KIAA1217: variants seen among roughly 807,000 people sequenced by gnomAD.
KIAA1217 encodes KIAA1217.
In KIAA1217, 88 loss-of-function variants were observed where a neutral mutation model predicts 163.9. The observed-to-expected ratio is 0.54, with a 90% CI of 0.45 to 0.64. KIAA1217 has a LOEUF of 0.64. Among genes scored for constraint, KIAA1217 ranks in the 30% least tolerant of loss-of-function variants. KIAA1217 has a pLI of 0.00. For synonymous variants in KIAA1217, 903 were observed against 923.1 expected, an observed-to-expected ratio of 0.98 and a Z score of 0.39; for missense variants, 2,372 against 2,475.0, an observed-to-expected ratio of 0.96 and a Z score of 0.88.
intron 1 of KIAA1217, among the ~76,000 whole-genome samples, chr10:23,917,785 C>T (rs1842686856): frequency 6.6e-6 from 1 of 152,154 alleles, no homozygotes; most frequent in Non-Finnish European, 1.5e-5. Context: ...GTATGACCAG[C>T]AAGGGAAGAT....
intron 1 of KIAA1217, among the ~76,000 whole-genome samples, chr10:23,945,058 CAA>C (rs527334106): frequency 7.1e-4 from 74 of 103,930 alleles, no homozygotes; most frequent in East Asian, 3.3e-3. Context: ...GACTCTATCT[CAA>C]AAAAAAAAAA....
At position 24,067,304 on chromosome 10, in the gene KIAA1217, C is replaced by T. The variant is rs900701468; in HGVS notation, c.-171+59930C>T. 9.2e-5 allele frequency among the ~76,000 whole-genome samples: 14 copies of T among 152,256 alleles called. No individual in the cohort carries two copies. In the East Asian group the frequency reaches 1.5e-3, roughly 17 times the overall value. ...TACCTTTTGTCTTTGATGATGGTGA[C>T]GTACTGATGGGTTTTTGGTATGGAT... On this transcript the variant is annotated intron_variant, in intron 2 of 18. Transcript: ENST00000376462.
In KIAA1217 at chr10:23,829,603, A is replaced by G. The variant is rs114250363; in HGVS notation, c.-321+134369A>G. Among the ~76,000 whole-genome samples, 1,366 of 152,280 alleles carry G rather than the reference A, an allele frequency of 9.0e-3. 22 individuals carry two copies. The highest frequency in any genetic ancestry group is 0.031 in the African/African-American group (1,303 of 41,574). ...ACTCACTATTTAATCCAAGTGTTTTATGTTTATTCACTGGGTAGTCTAAAC... is the reference window on the plus strand; with the variant it reads ...ACTCACTATTTAATCCAAGTGTTTTGTGTTTATTCACTGGGTAGTCTAAAC... On this transcript the variant is annotated intron_variant, in intron 1 of 18. Coordinates refer to the KIAA1217 transcript ENST00000376462.
chr10:23,741,522 A>C (rs1343876793), intron 1 of KIAA1217, among the ~76,000 whole-genome samples: 7 of 152,206 alleles, frequency 4.6e-5, no homozygotes, highest in African/African-American at 1.7e-4. Context: ...TTGAACAAAG[A>C]AAGCACATTC....
At chr10:23,988,031 T>C (rs547768058) in intron 1 of KIAA1217, among the ~76,000 whole-genome samples, 3 of 149,266 alleles carry the variant, frequency 2.0e-5, no homozygotes, top group Admixed American at 1.4e-4. Flanking sequence ...TTTAAAAGTG[T>C]TTTTTTATTT....
At chr10:24,257,038 T>C (rs2075237912) in intron 2 of KIAA1217, among the ~76,000 whole-genome samples, 1 of 152,124 alleles carries the variant, frequency 6.6e-6, no homozygotes, top group Non-Finnish European at 1.5e-5. Context: ...TGAAACAAGA[T>C]GGTCAGGAAA....
intron 2 of KIAA1217, among the ~76,000 whole-genome samples, chr10:24,305,798 C>T (rs973733216): frequency 1.3e-5 from 2 of 152,070 alleles, no homozygotes; most frequent in African/African-American, 4.8e-5. Context: ...CTTTGTGGAG[C>T]CCAGGGGTCA....
At chr10:23,988,981 A>T (rs769369976) in intron 1 of KIAA1217, among the ~76,000 whole-genome samples, 7 of 152,254 alleles carry the variant, frequency 4.6e-5, no homozygotes, top group Non-Finnish European at 7.3e-5. Context: ...CTTGATATAA[A>T]ACACCGATTT....
At chr10:23,921,649 G>T (rs1368489426) in intron 1 of KIAA1217, among the ~76,000 whole-genome samples, 1 of 152,124 alleles carries the variant, frequency 6.6e-6, no homozygotes, top group Admixed American at 6.5e-5. Context: ...TATTCTTTCT[G>T]CAGGCCCATG....
chr10:24,002,469 G>C (rs1167363240), intron 1 of KIAA1217, among the ~76,000 whole-genome samples: 2 of 152,126 alleles, frequency 1.3e-5, no homozygotes, highest in South Asian at 2.1e-4. Flanking sequence ...TGCTCCTGCT[G>C]TTCCAGGCCT....
At chr10:23,719,476 G>A (rs567336940) in intron 1 of KIAA1217, among the ~76,000 whole-genome samples, 2 of 152,212 alleles carry the variant, frequency 1.3e-5, no homozygotes, top group Admixed American at 6.5e-5. Flanking sequence ...AGCTACTCAG[G>A]AGGCTGAGAT....
chr10:24,469,620 T>C (rs1377419033), intron 5 of KIAA1217, among the ~76,000 whole-genome samples: 1 of 152,130 alleles, frequency 6.6e-6, no homozygotes, highest in Non-Finnish European at 1.5e-5. Flanking sequence ...TATTGATTGA[T>C]TGATTGATTG....
intron 1 of KIAA1217, among the ~76,000 whole-genome samples, chr10:23,816,454 G>A (rs535117746): frequency 2.6e-5 from 4 of 152,012 alleles, no homozygotes; most frequent in African/African-American, 9.6e-5. Flanking sequence ...CACCATACCC[G>A]GCTAATTTTT....
intron 1 of KIAA1217, among the ~76,000 whole-genome samples, chr10:24,217,481 T>C (rs563727506): frequency 2.0e-5 from 3 of 152,142 alleles, no homozygotes; most frequent in Non-Finnish European, 4.4e-5. Flanking sequence ...AATTGAAGGG[T>C]AAACAAGAAG....
intron 2 of KIAA1217, among the ~76,000 whole-genome samples, chr10:24,359,875 G>T (rs188809269): frequency 6.6e-6 from 1 of 152,018 alleles, no homozygotes; most frequent in Admixed American, 6.6e-5. Context: ...GTCTCACAAG[G>T]CTACGTAATT....
intron 1 of KIAA1217, among the ~76,000 whole-genome samples, chr10:23,868,368 C>T (rs1177871839): frequency 1.3e-5 from 2 of 152,138 alleles, no homozygotes; most frequent in East Asian, 1.9e-4. Context: ...ATTTTCCTGA[C>T]CCAAGGGCAC....
At chr10:24,075,119 T>TACACACACACACAC (rs71397929) in intron 2 of KIAA1217, among the ~76,000 whole-genome samples, 27 of 131,562 alleles carry the variant, frequency 2.1e-4, no homozygotes, top group Admixed American at 6.3e-4. Flanking sequence ...TCCCCCTAAA[T>TACACACACACACAC]ACACACACAC....
chr10:24,513,208 T>A (rs749566160), intron 9 of KIAA1217, 51 bp from the exon 10 acceptor site: 1 of 1,589,274 alleles, frequency 6.3e-7, no homozygotes, highest in East Asian at 2.2e-5. Context: ...TTCACTCGCC[T>A]CCATTTCAGG....
chr10:24,531,946 T>G lies in KIAA1217; in HGVS notation c.3199T>G (p.Ser1067Ala), dbSNP rs1699579184. ...AGGATCGGGACTCACCACCACGAGG[T>G]CAGGCGATGTGGTCTACACCGGCAG... Reference protein sequence around the residue: ...LPGSGLTTTRSGDVVYTGRKE... With the variant: ...LPGSGLTTTRAGDVVYTGRKE... Residue 1067 changes from serine to alanine, a missense_variant, in exon 15 of 21, where the codon TCA (serine) becomes GCA (alanine). Coordinates refer to ENST00000376454, the MANE Select transcript of KIAA1217 (RefSeq NM_019590.5). 1 of 1,609,108 alleles carries G rather than the reference T, an allele frequency of 6.2e-7. No individual in the cohort carries two copies. Among genetic ancestry groups the G allele is most frequent in the South Asian group, 1.1e-5 (1 of 90,168 alleles).
Sources: gnomAD v4.1 joint callset for allele counts (sites outside exome capture counted in the v4.1 genomes callset) on GRCh38, gnomAD v4.1.1 for gene constraint, MANE v1.5 for transcripts, NCBI Gene and HGNC (gene_info 2026-07-23, HGNC 2026-07-21) for gene names.